LRRC4C: variants seen among roughly 807,000 people sequenced by gnomAD.
LRRC4C encodes the protein leucine rich repeat containing 4C.
A neutral mutation model predicts 33.6 loss-of-function variants in LRRC4C; 5 were observed. The ratio of observed to expected loss-of-function variants is 0.15; its 90% CI spans 0.08 to 0.31. The LOEUF (loss-of-function observed/expected upper bound fraction) is 0.31. Among genes scored for constraint, LRRC4C ranks in the 10% least tolerant of loss-of-function variants. LRRC4C has a pLI of 1.00. For synonymous variants in LRRC4C, 329 were observed against 302.0 expected (o/e 1.09, Z -0.93); for missense variants, 560 against 796.7 (o/e 0.70, Z 3.58).
chr11:41,174,776 T>C (rs1945123893), intron 1 of LRRC4C, among the ~76,000 whole-genome samples: 1 of 152,120 alleles, frequency 6.6e-6, no homozygotes, highest in Admixed American at 6.6e-5. Flanking sequence ...TGAGCCCTAA[T>C]TTGTTTTTTT....
At chr11:40,712,689 G>C (rs868338087) in intron 2 of LRRC4C, among the ~76,000 whole-genome samples, 9 of 152,216 alleles carry the variant, frequency 5.9e-5, no homozygotes, top group South Asian at 4.1e-4. Context: ...GTAAGATACT[G>C]TCTCAGGACC....
intron 2 of LRRC4C, among the ~76,000 whole-genome samples, chr11:40,663,992 G>A (rs956680248): frequency 6.6e-6 from 1 of 152,172 alleles, no homozygotes; most frequent in Admixed American, 6.5e-5. Context: ...ATCAAAGGTT[G>A]TACAGAAGTC....
intron 3 of LRRC4C, among the ~76,000 whole-genome samples, chr11:40,553,620 G>T (rs1216743932): frequency 6.6e-6 from 1 of 152,114 alleles, no homozygotes; most frequent in Non-Finnish European, 1.5e-5. Flanking sequence ...TAGCCATTCT[G>T]ACTAGTGTGA....
chr11:41,331,717 C>T (rs965692367), intron 1 of LRRC4C, among the ~76,000 whole-genome samples: 2 of 152,142 alleles, frequency 1.3e-5, no homozygotes, highest in South Asian at 2.1e-4. Flanking sequence ...TTAGGCACTA[C>T]ACAAAGGCAC....
intron 1 of LRRC4C, among the ~76,000 whole-genome samples, chr11:41,296,931 A>G (rs1042182176): frequency 6.6e-6 from 1 of 152,248 alleles, no homozygotes; most frequent in African/African-American, 2.4e-5. Flanking sequence ...GCATACAAGC[A>G]GTGAGAAAGT....
intron 1 of LRRC4C, among the ~76,000 whole-genome samples, chr11:41,414,449 A>G (rs1954604402): frequency 6.6e-6 from 1 of 152,188 alleles, no homozygotes; most frequent in Non-Finnish European, 1.5e-5. Flanking sequence ...TTATTCACGA[A>G]TAGCATCAAC....
intron 2 of LRRC4C, among the ~76,000 whole-genome samples, chr11:40,665,866 G>A (rs1212722515): frequency 6.6e-6 from 1 of 151,878 alleles, no homozygotes; most frequent in Non-Finnish European, 1.5e-5. Flanking sequence ...TTACCTATAA[G>A]AAATAGAATT....
intron 2 of LRRC4C, among the ~76,000 whole-genome samples, chr11:40,876,675 C>T (rs1340233895): frequency 4.6e-5 from 7 of 151,924 alleles, no homozygotes; most frequent in Admixed American, 2.6e-4. Flanking sequence ...GAGGCCAAGG[C>T]GGGCAGATCA....
chr11:40,384,092 T>A (rs1234643770), intron 3 of LRRC4C, among the ~76,000 whole-genome samples: 1 of 151,942 alleles, frequency 6.6e-6, no homozygotes, highest in East Asian at 1.9e-4. Context: ...GGAGAAGTTT[T>A]TTAGTTACAT....
intron 2 of LRRC4C, among the ~76,000 whole-genome samples, chr11:40,719,685 C>G (rs1946912563): frequency 6.6e-6 from 1 of 152,170 alleles, no homozygotes. Flanking sequence ...TCCCCATCCT[C>G]TCAGAGAAAA....
At chr11:41,043,716 G>C (rs577703171) in intron 1 of LRRC4C, among the ~76,000 whole-genome samples, 84 of 152,012 alleles carry the variant, frequency 5.5e-4, no homozygotes, top group African/African-American at 2.0e-3. Flanking sequence ...ACAGCTGTCT[G>C]ACATTAAAAT....
intron 1 of LRRC4C, among the ~76,000 whole-genome samples, chr11:41,250,944 T>A (rs1170186444): frequency 6.6e-6 from 1 of 152,216 alleles, no homozygotes; most frequent in Non-Finnish European, 1.5e-5. Context: ...TTTGCAGCAT[T>A]TTCTATATTA....
chr11:41,116,718 G>C (rs182992841), intron 1 of LRRC4C, among the ~76,000 whole-genome samples: 47 of 152,126 alleles, frequency 3.1e-4, no homozygotes, highest in African/African-American at 1.1e-3. Context: ...ATGCTATCCT[G>C]ATGATATTTT....
intron 5 of LRRC4C, among the ~76,000 whole-genome samples, chr11:40,240,625 C>T (rs941656991): frequency 6.6e-6 from 1 of 152,070 alleles, no homozygotes; most frequent in African/African-American, 2.4e-5. Context: ...TAAAATGTGC[C>T]TGCTGAAGAA....
intron 1 of LRRC4C, among the ~76,000 whole-genome samples, chr11:41,067,098 C>A (rs141841973): frequency 1.8e-3 from 270 of 152,064 alleles, no homozygotes; most frequent in Middle Eastern, 3.4e-3. Flanking sequence ...GTTTTAACGG[C>A]CCAATTAAAA....
chr11:40,574,201 A>G (rs1026878395), intron 3 of LRRC4C, among the ~76,000 whole-genome samples: 6 of 152,202 alleles, frequency 3.9e-5, no homozygotes, highest in Admixed American at 2.6e-4. Context: ...ATCTTTATCT[A>G]TGCTAGGAAG....
At chr11:40,404,649 G>C (rs1485583758) in intron 3 of LRRC4C, among the ~76,000 whole-genome samples, 2 of 151,782 alleles carry the variant, frequency 1.3e-5, no homozygotes, top group African/African-American at 4.8e-5. Context: ...TGTCTTCATT[G>C]CTGCTGGCCT....
At chr11:41,154,778 T>C (rs185791646) in intron 1 of LRRC4C, among the ~76,000 whole-genome samples, 14 of 152,260 alleles carry the variant, frequency 9.2e-5, no homozygotes, top group Admixed American at 2.0e-4. Context: ...AAATTATTCA[T>C]TGGGACTCGT....
chr11:41,075,675 T>C (rs1007458930), intron 1 of LRRC4C, among the ~76,000 whole-genome samples: 1 of 152,142 alleles, frequency 6.6e-6, no homozygotes, highest in African/African-American at 2.4e-5. Context: ...CTAATCAACA[T>C]TCACTACATT....
Sources: gnomAD v4.1 joint callset for allele counts (sites outside exome capture counted in the v4.1 genomes callset) on GRCh38, gnomAD v4.1.1 for gene constraint, MANE v1.5 for transcripts, NCBI Gene and HGNC (gene_info 2026-07-23, HGNC 2026-07-21) for gene names.